CGGBP1: variants seen among roughly 807,000 people sequenced by gnomAD.
The protein encoded by CGGBP1 is CGG triplet repeat-binding protein 1.
Under a neutral mutation model 11.4 loss-of-function variants are expected in CGGBP1, and 4 were observed. The ratio of observed to expected loss-of-function variants is 0.35; its 90% CI spans 0.17 to 0.80. The LOEUF is 0.80. Among genes scored for constraint, CGGBP1 ranks in the 30% least tolerant of loss-of-function variants. The pLI is 0.52. For synonymous variants in CGGBP1, 76 were observed against 74.1 expected (o/e 1.03, Z -0.13); for missense variants, 135 against 202.1 (o/e 0.67, Z 2.01).
At chr3:88,107,849 G>A (rs1553696985) in intron 2 of CGGBP1, among the ~76,000 whole-genome samples, 1 of 151,952 alleles carries the variant, frequency 6.6e-6, no homozygotes, top group Non-Finnish European at 1.5e-5. Context: ...TATTTTCAAT[G>A]TCATCATTTC....
At chr3:88,062,390 T>G (rs1467036253), upstream of CGGBP1, among the ~76,000 whole-genome samples, 1 of 152,168 alleles carries the variant, frequency 6.6e-6, no homozygotes, top group Non-Finnish European at 1.5e-5. Context: ...AGTTTTTTGT[T>G]GTTGTTGCAA....
At chr3:88,138,961 A>G in intron 2 of CGGBP1, 1 of 1,246,250 alleles carries the variant, frequency 8.0e-7, no homozygotes, top group Non-Finnish European at 1.0e-6. Context: ...AGTGTTCAAA[A>G]TCGTGTTCGT....
intron 2 of CGGBP1, among the ~76,000 whole-genome samples, chr3:88,099,114 G>C (rs1704242972): frequency 6.6e-6 from 1 of 152,138 alleles, no homozygotes; most frequent in Admixed American, 6.6e-5. Context: ...ATCTCCTTAA[G>C]CTGATAGGCA....
chr3:88,141,585 CT>C (rs2107903048), intron 1 of CGGBP1: 1 of 1,315,860 alleles, frequency 7.6e-7, no homozygotes, highest in East Asian at 2.6e-5. Flanking sequence ...AGGAATCTGA[CT>C]TGGAATTCCG....
chr3:88,145,800 A>T (rs1576365791), intron 1 of CGGBP1, among the ~76,000 whole-genome samples: 1 of 152,194 alleles, frequency 6.6e-6, no homozygotes, highest in African/African-American at 2.4e-5. Flanking sequence ...TGGCTTGTTT[A>T]TGTGTGCTGC....
chr3:88,059,184 G>T, upstream of CGGBP1: 2 of 1,429,964 alleles, frequency 1.4e-6, no homozygotes, highest in East Asian at 2.6e-5. Flanking sequence ...CGGAAGTAGA[G>T]CCCAGCCGAG....
upstream of CGGBP1, among the ~76,000 whole-genome samples, chr3:88,060,227 C>T (rs563943820): frequency 1.3e-5 from 2 of 152,176 alleles, no homozygotes; most frequent in South Asian, 4.2e-4. Context: ...ACCAACCCCC[C>T]TCATCCTTCA....
intron 2 of CGGBP1, among the ~76,000 whole-genome samples, chr3:88,138,385 C>A (rs1471632407): frequency 6.6e-6 from 1 of 151,870 alleles, no homozygotes; most frequent in Non-Finnish European, 1.5e-5. Context: ...AAATGGGGGT[C>A]TAGAAGAAAT....
intron 2 of CGGBP1, chr3:88,129,782 C>A: frequency 6.6e-7 from 1 of 1,526,470 alleles, no homozygotes; most frequent in Non-Finnish European, 8.8e-7. Flanking sequence ...TCTGTGAATC[C>A]TTTCTTATTC....
upstream of CGGBP1, among the ~76,000 whole-genome samples, chr3:88,061,001 A>G (rs913363753): frequency 6.6e-6 from 1 of 152,096 alleles, no homozygotes; most frequent in Non-Finnish European, 1.5e-5. Flanking sequence ...GACTTTCTTG[A>G]AAATGTATTT....
chr3:88,101,355 A>G (rs967300761), intron 2 of CGGBP1, among the ~76,000 whole-genome samples: 2 of 152,138 alleles, frequency 1.3e-5, no homozygotes, highest in Non-Finnish European at 2.9e-5. Context: ...TAGACATTTC[A>G]TATAAATGAT....
intron 2 of CGGBP1, among the ~76,000 whole-genome samples, chr3:88,103,907 C>T (rs904592015): frequency 3.3e-5 from 5 of 151,704 alleles, no homozygotes; most frequent in African/African-American, 1.2e-4. Flanking sequence ...GCTGGGATTA[C>T]AGGTGCCCGC....
intron 2 of CGGBP1, among the ~76,000 whole-genome samples, chr3:88,101,452 T>C (rs1253217661): frequency 6.6e-6 from 1 of 152,204 alleles, no homozygotes; most frequent in Non-Finnish European, 1.5e-5. Context: ...TCATGTAAAA[T>C]ATTCTTTTAA....
At chr3:88,073,179 T>C (rs192329450) in intron 2 of CGGBP1, among the ~76,000 whole-genome samples, 2 of 152,298 alleles carry the variant, frequency 1.3e-5, no homozygotes, top group African/African-American at 2.4e-5. Flanking sequence ...GTACAAATTA[T>C]TGGCTCCACC....
At chr3:88,067,593 C>G (rs1007156864) in intron 2 of CGGBP1, among the ~76,000 whole-genome samples, 4 of 152,210 alleles carry the variant, frequency 2.6e-5, no homozygotes, top group Non-Finnish European at 5.9e-5. Flanking sequence ...GTTTCAGAAA[C>G]CCAGAGAACT....
chr3:88,144,825 TAGA>T lies in CGGBP1; in HGVS notation c.-337-3750_-337-3748del, dbSNP rs1294632751. 4.6e-5 allele frequency among the ~76,000 whole-genome samples: 7 copies of T among 152,084 alleles called. No homozygotes were observed. The East Asian group carries it at 1.2e-3, about 25-fold the overall frequency. On this transcript the variant is annotated intron_variant, in intron 1 of 3. Transcript: ENST00000462901. ...ATTTTTTTAAACATAATATAGAAAA[TAGA>T]AGTATCTAAAATTTTACACAAAATA...
rs540022778 is a variant in CGGBP1 at position 88,076,818 on chromosome 3, C to T, written c.-228-18595G>A. On this transcript the variant is annotated intron_variant, in intron 2 of 3. Transcript: ENST00000462901. ...GCAGGGATCTAAATTCATCTAAAGC[C>T]TTTAAAATGACCTGCTATTCATAAG... is the stretch of plus-strand genomic sequence containing the variant. Among the ~76,000 whole-genome samples, 88 of 152,100 alleles carry T rather than the reference C, an allele frequency of 5.8e-4. 1 individual carries two copies. The highest frequency in any genetic ancestry group is 4.4e-4 in the Non-Finnish European group (30 of 68,018).
chr3:88,093,305 T>G (rs1052418880), intron 2 of CGGBP1, among the ~76,000 whole-genome samples: 5 of 152,176 alleles, frequency 3.3e-5, no homozygotes, highest in African/African-American at 9.6e-5. Flanking sequence ...GCAGAAAATA[T>G]AGACTTTATA....
Position 88,054,192 on chromosome 3 carries a change from A to T in CGGBP1, c.*1281T>A, listed in dbSNP as rs1013015545. The stretch of plus-strand genomic sequence containing the variant: ...TATAAGTATTTTTAACTTGAATTTC[A>T]AAGAATTTAAGATTTTTTATTAAAG... On this transcript the variant is annotated 3_prime_UTR_variant, in exon 4 of 4. Coordinates refer to ENST00000482016, the MANE Select transcript of CGGBP1 (RefSeq NM_001008390.2). The T allele has an allele frequency of 9.2e-5, 14 of 152,636 alleles. No homozygotes were observed. Among genetic ancestry groups the T allele is most frequent in the African/African-American group, 3.4e-4 (14 of 41,466 alleles). The allele number at this position is 152,636 out of a possible 1,614,324, so 9.5% of individuals were successfully genotyped here.
Sources: gnomAD v4.1 joint callset for allele counts (sites outside exome capture counted in the v4.1 genomes callset) on GRCh38, gnomAD v4.1.1 for gene constraint, MANE v1.5 for transcripts, NCBI Gene and HGNC (gene_info 2026-07-23, HGNC 2026-07-21) for gene names.